Variants in DLGAP1 observed in about 807,000 individuals in gnomAD.
DLGAP1 encodes disks large-associated protein 1.
In DLGAP1, 11 loss-of-function variants were observed where a neutral mutation model predicts 90.8. That is an observed-to-expected ratio of 0.12 (90% CI 0.08 to 0.20). The LOEUF (loss-of-function observed/expected upper bound fraction) is 0.20, where lower values mean the gene tolerates loss of function less well. Among genes scored for constraint, DLGAP1 ranks in the 10% least tolerant of loss-of-function variants. The pLI, the probability that DLGAP1 is intolerant of heterozygous loss-of-function variation, is 1.00. For missense variants in DLGAP1, 1,050 were observed against 1,333.8 expected (o/e 0.79, Z 3.31); for synonymous variants, 558 against 540.7 (o/e 1.03, Z -0.44).
At chr18:4,196,185 T>C (rs2077494724) in intron 1 of DLGAP1, among the ~76,000 whole-genome samples, 1 of 152,132 alleles carries the variant, frequency 6.6e-6, no homozygotes, top group African/African-American at 2.4e-5. Context: ...TGTCTACTCT[T>C]ACGGACATTA....
At chr18:4,402,353 C>T (rs1325404159) in intron 1 of DLGAP1, among the ~76,000 whole-genome samples, 1 of 152,152 alleles carries the variant, frequency 6.6e-6, no homozygotes, top group East Asian at 1.9e-4. Flanking sequence ...GTGAACAAAA[C>T]AGGTTTGTCA....
At position 3,635,967 on chromosome 18, in the gene DLGAP1, T is replaced by G. The variant is rs140651741; in HGVS notation, c.1592-53719A>C. Among the ~76,000 whole-genome samples the G allele has an allele frequency of 1.4e-3, 214 of 151,718 alleles. 7 individuals are homozygous for G. Among genetic ancestry groups the G allele is most frequent in the African/African-American group, 4.9e-3 (204 of 41,284 alleles). ...AATACTTCATTCACTGGCTTAAAGA[T>G]CTTCAATATCTCCTCATTTCCTAAA... On this transcript the variant is annotated intron_variant, in intron 7 of 12. Coordinates refer to ENST00000315677, the MANE Select transcript of DLGAP1 (RefSeq NM_004746.4).
chr18:3,930,822 T>A (rs1370152112), intron 3 of DLGAP1, among the ~76,000 whole-genome samples: 1 of 152,128 alleles, frequency 6.6e-6, no homozygotes, highest in Admixed American at 6.5e-5. Context: ...GGATTATGAT[T>A]GAGGAAAAAC....
chr18:3,580,055 C>T (rs1460614631), intron 8 of DLGAP1: 11 of 687,160 alleles, frequency 1.6e-5, no homozygotes, highest in Admixed American at 1.1e-4. Flanking sequence ...ATTAAAAGCA[C>T]CTCATGTTTG....
rs534335413 is a variant in DLGAP1 at position 3,772,857 on chromosome 18, A to G, written c.1173-30345T>C. 2.4e-4 allele frequency among the ~76,000 whole-genome samples: 37 copies of G among 152,246 alleles called. 1 individual carries two copies. In the South Asian group the frequency reaches 7.3e-3, roughly 30 times the overall value. On this transcript the variant is annotated intron_variant, in intron 5 of 12. Coordinates refer to ENST00000315677, the MANE Select transcript of DLGAP1 (RefSeq NM_004746.4). The stretch of plus-strand genomic sequence containing the variant: ...TCCAGGTGATTCTTAACTGCACTAA[A>G]GTTTGAAAAGACCAACTCTAAGCCC...
chr18:3,626,282 C>A (rs2058291203), intron 7 of DLGAP1, among the ~76,000 whole-genome samples: 1 of 141,776 alleles, frequency 7.1e-6, no homozygotes, highest in Non-Finnish European at 1.5e-5. Flanking sequence ...CAGAGTGAGA[C>A]CCAGTCTCAA....
chr18:3,661,472 G>A (rs1446939229), intron 7 of DLGAP1, among the ~76,000 whole-genome samples: 1 of 152,042 alleles, frequency 6.6e-6, no homozygotes, highest in African/African-American at 2.4e-5. Flanking sequence ...CAGGTTACAA[G>A]TCCTGAGACG....
intron 2 of DLGAP1, among the ~76,000 whole-genome samples, chr18:4,013,267 T>TA (rs2074460765): frequency 1.3e-5 from 2 of 152,138 alleles, no homozygotes; most frequent in Admixed American, 6.5e-5. Context: ...ATTTAATATT[T>TA]AAAAAGCCTC....
chr18:4,332,651 A>G (rs1702570621), intron 1 of DLGAP1, among the ~76,000 whole-genome samples: 1 of 151,936 alleles, frequency 6.6e-6, no homozygotes, highest in Non-Finnish European at 1.5e-5. Flanking sequence ...ACATTTGAAT[A>G]TTTCACATTT....
At chr18:3,761,563 C>CTTCT (rs774798048) in intron 5 of DLGAP1, among the ~76,000 whole-genome samples, 1,608 of 151,240 alleles carry the variant, frequency 0.011, 25 homozygotes, top group African/African-American at 0.036. Context: ...GTTTCAGTCC[C>CTTCT]TTCTTTCTTT....
At position 3,879,504 on chromosome 18, in the gene DLGAP1, C is replaced by T. The variant is rs764095730; in HGVS notation, c.565G>A (p.Ala189Thr). The T allele has an allele frequency of 6.9e-6, 11 of 1,603,090 alleles. No homozygotes were observed. The highest frequency in any genetic ancestry group is 1.1e-5 in the South Asian group (1 of 90,986). The change falls in exon 4 of 13, where the codon GCG (alanine) becomes ACG (threonine). Residue 189 changes from alanine to threonine, a missense_variant. Around this residue, in one of 2 missense-constraint regions of DLGAP1, gnomAD observed 485 missense variants for 454.1 expected, o/e 1.07. Coordinates refer to ENST00000315677, the MANE Select transcript of DLGAP1 (RefSeq NM_004746.4). This position sits in a 1 kb window ranked among gnomAD's most constrained non-coding sequence, Gnocchi z 6.6. The part of the protein sequence containing the change: ...GKRSKSKERR[A>T]EPKARPSTSP... ...GTGCTGGGCCGGGCCTTGGGCTCCG[C>T]GCGCCGCTCCTTGCTCTTGCTGCGT...
At chr18:3,528,904 G>A (rs1022322276) in intron 10 of DLGAP1, among the ~76,000 whole-genome samples, 1 of 152,210 alleles carries the variant, frequency 6.6e-6, no homozygotes, top group Non-Finnish European at 1.5e-5. Flanking sequence ...GAATGGAACT[G>A]TGTCTTAAGA....
chr18:3,777,034 G>C (rs552287684), intron 5 of DLGAP1, among the ~76,000 whole-genome samples: 2 of 152,130 alleles, frequency 1.3e-5, no homozygotes, highest in Non-Finnish European at 2.9e-5. Flanking sequence ...CAATCCTCCT[G>C]CCTCAGCCTG....
intron 5 of DLGAP1, among the ~76,000 whole-genome samples, chr18:3,762,890 T>A (rs1364400316): frequency 6.6e-6 from 1 of 152,238 alleles, no homozygotes; most frequent in Admixed American, 6.5e-5. Flanking sequence ...GCACCCCGAA[T>A]GATACTTCAC....
At chr18:3,854,013 T>A (rs1200114289) in intron 4 of DLGAP1, among the ~76,000 whole-genome samples, 10 of 152,198 alleles carry the variant, frequency 6.6e-5, no homozygotes, top group African/African-American at 2.4e-4. Context: ...ACAAACTTGC[T>A]AACAGTGATT....
At chr18:3,827,422 T>G (rs1222994898) in intron 4 of DLGAP1, among the ~76,000 whole-genome samples, 1 of 152,238 alleles carries the variant, frequency 6.6e-6, no homozygotes, top group Non-Finnish European at 1.5e-5. Context: ...AGTAACGTAC[T>G]GTCACATTGA....
In DLGAP1 at chr18:3,600,691, T is replaced by TAGAG. The variant is rs1491126608; in HGVS notation, c.1592-18444_1592-18443insCTCT. Among the ~76,000 whole-genome samples, 8 of 67,574 alleles carry TAGAG rather than the reference T, an allele frequency of 1.2e-4. 1 individual carries two copies. The highest frequency in any genetic ancestry group is 3.2e-4 in the East Asian group (1 of 3,174). 44.3% of individuals were successfully genotyped at this position (67,574 alleles called of 152,430 possible). ...AGATCTATAGATATCTATAGAGATC[T>TAGAG]ATATAGATATCTATAGCTATATAGA... On this transcript the variant is annotated intron_variant, in intron 7 of 12. Transcript: ENST00000315677.
At chr18:3,512,065 C>CT (rs5822764) in intron 10 of DLGAP1, among the ~76,000 whole-genome samples, 28,240 of 147,670 alleles carry the variant, frequency 0.19, 2,643 homozygotes, top group Middle Eastern at 0.29. Context: ...TCTGGTCATG[C>CT]TTTTTTTTTT....
intron 7 of DLGAP1, among the ~76,000 whole-genome samples, chr18:3,648,690 G>C (rs554682312): frequency 2.0e-4 from 31 of 152,280 alleles, no homozygotes; most frequent in African/African-American, 7.0e-4. Flanking sequence ...TAATAGAGTT[G>C]CTTGTTCTTT....
Sources: gnomAD v4.1 joint callset for allele counts (sites outside exome capture counted in the v4.1 genomes callset) on GRCh38, gnomAD v4.1.1 for gene constraint, gnomAD v4.1.1 regional missense constraint, Gnocchi (gnomAD v3.1) non-coding constraint, MANE v1.5 for transcripts, NCBI Gene and HGNC (gene_info 2026-07-23, HGNC 2026-07-21) for gene names.